Variants in F7 observed in about 807,000 individuals in gnomAD.
F7 encodes coagulation factor VII.
In F7, 38 loss-of-function variants were observed where a neutral mutation model predicts 47.5. The observed-to-expected ratio is 0.80, with a 90% CI of 0.62 to 1.05. The LOEUF is 1.05. Ranked by LOEUF, F7 falls within the 50% of genes least tolerant of loss-of-function variation. The pLI is 0.00. For missense variants in F7, 575 were observed against 605.4 expected, an observed-to-expected ratio of 0.95 and a Z score of 0.53; for synonymous variants, 244 against 258.5, an observed-to-expected ratio of 0.94 and a Z score of 0.54.
intron 2 of F7, among the ~76,000 whole-genome samples, chr13:113,111,254 G>A (rs1434984429): frequency 6.6e-6 from 1 of 152,170 alleles, no homozygotes; most frequent in Non-Finnish European, 1.5e-5. Flanking sequence ...TGCCACCAGC[G>A]GCACCTCCTC....
rs1484091044 is a variant in F7 at position 113,118,426 on chromosome 13, C to G, written c.753C>G (p.Leu251=). 6.3e-7 allele frequency: 1 copy of G among 1,597,644 alleles called. No individual in the cohort carries two copies. The highest frequency in any genetic ancestry group is 1.3e-5 in the African/African-American group (1 of 74,732). ...TCTTCCTTCCAGGCGAGCACGACCT[C>G]AGCGAGCACGACGGGGATGAGCAGA... ...NLIAVLGEHD[L]SEHDGDEQSR... The change falls in exon 8 of 8, where the codon CTC becomes CTG. Residue 251 remains leucine (L), a synonymous_variant. Transcript: ENST00000346342.
chr13:113,106,056 T>C (rs2142196454), intron 1 of F7, 151 bp downstream of exon 1: 1 of 637,812 alleles, frequency 1.6e-6, no homozygotes, highest in South Asian at 2.2e-5. Flanking sequence ...TTTCTTTCCT[T>C]CTAGAAACCA....
At chr13:113,115,068 G>C (rs920916456) in intron 4 of F7, among the ~76,000 whole-genome samples, 2 of 152,356 alleles carry the variant, frequency 1.3e-5, no homozygotes, top group South Asian at 4.1e-4. Context: ...AGCAGCCCTG[G>C]TGTGCATCCT....
Position 113,110,870 on chromosome 13 carries a change from G to A in F7, c.225+20G>A, listed in dbSNP as rs1348608735. On this transcript the variant is annotated intron_variant, in intron 2 of 7. Coordinates refer to ENST00000346342, the MANE Select transcript of F7 (RefSeq NM_019616.4). ...AGGACGGTGAGCCCAGCCTCGGGGCGCCCCGCGCCGCGGACACTGCAGGCG... is the reference window on the plus strand; with the variant it reads ...AGGACGGTGAGCCCAGCCTCGGGGCACCCCGCGCCGCGGACACTGCAGGCG... 5 of 1,550,722 alleles carry A rather than the reference G, an allele frequency of 3.2e-6. No homozygotes were observed. The highest frequency in any genetic ancestry group is 4.4e-6 in the Non-Finnish European group (5 of 1,148,094).
At chr13:113,118,343 C>T in intron 7 of F7, 70 bp from the exon 8 acceptor site, 2 of 1,494,724 alleles carry the variant, frequency 1.3e-6, no homozygotes, top group Non-Finnish European at 1.8e-6. Context: ...TGGCCACAGC[C>T]CATCCCCATG....
At position 113,118,829 on chromosome 13, in the gene F7, C is replaced by T; in HGVS notation, c.1156C>T (p.His386Tyr). Reference protein sequence around the residue: ...DSCKGDSGGPHATHYRGTWYL... With the variant: ...DSCKGDSGGPYATHYRGTWYL... ...CTGCAAGGGGGACAGTGGAGGCCCACATGCCACCCACTACCGGGGCACGTG... is the reference window on the plus strand; with the variant it reads ...CTGCAAGGGGGACAGTGGAGGCCCATATGCCACCCACTACCGGGGCACGTG... The change falls in exon 8 of 8, where the codon CAT (histidine) becomes TAT (tyrosine). Residue 386 changes from histidine (H) to tyrosine (Y), a missense_variant. His to Tyr is a moderately conservative substitution (Grantham distance 83, BLOSUM62 2). Coordinates refer to ENST00000346342, the MANE Select transcript of F7 (RefSeq NM_019616.4). The T allele has an allele frequency of 1.9e-6, 3 of 1,612,814 alleles. No homozygotes were observed. The highest frequency in any genetic ancestry group is 2.5e-6 in the Non-Finnish European group (3 of 1,179,966).
intron 1 of F7, chr13:113,110,246 G>A (rs1207846096): frequency 5.8e-6 from 1 of 172,128 alleles, no homozygotes. Flanking sequence ...CTGGCCGCCG[G>A]AGACGCGGTG....
At position 113,118,866 on chromosome 13, in the gene F7, G is replaced by C. The variant is rs773753671; in HGVS notation, c.1193G>C (p.Gly398Ala). Reference protein sequence around the residue: ...THYRGTWYLTGIVSWGQGCAT... With the variant: ...THYRGTWYLTAIVSWGQGCAT... ...TACCGGGGCACGTGGTACCTGACGG[G>C]CATCGTCAGCTGGGGCCAGGGCTGC... Residue 398 changes from glycine to alanine, a missense_variant, in exon 8 of 8, where the codon GGC (glycine) becomes GCC (alanine). By Grantham distance (60) the Gly-to-Ala change is moderately conservative. Coordinates refer to ENST00000346342, the MANE Select transcript of F7 (RefSeq NM_019616.4). The C allele has an allele frequency of 4.3e-6, 7 of 1,612,596 alleles. No individual in the cohort carries two copies. Among genetic ancestry groups the C allele is most frequent in the Non-Finnish European group, 5.9e-6 (7 of 1,179,932 alleles).
rs1342475185 is a variant in F7, at chr13:113,119,905, C to T, written c.*897C>T. 6.6e-6 allele frequency: 1 copy of T among 152,280 alleles called. No individual in the cohort carries two copies. Among genetic ancestry groups the T allele is most frequent in the African/African-American group, 2.4e-5 (1 of 41,448 alleles). The allele number at this position is 152,280 out of a possible 1,614,324, so 9.4% of individuals were successfully genotyped here. On this transcript the variant is annotated 3_prime_UTR_variant, in exon 8 of 8. Transcript: ENST00000346342. ...CACCATGCATGGTGGCGAATGCCCC[C>T]AAACTCTCCCCCAAATGTATTTCTC...
Position 113,110,686 on chromosome 13 carries a change from C to A in F7, c.65-4C>A, listed in dbSNP as rs761692179. 5.2e-6 allele frequency: 8 copies of A among 1,548,184 alleles called. No homozygotes were observed. The highest frequency in any genetic ancestry group is 1.2e-5 in the South Asian group (1 of 83,976). Reference sequence around the variant, plus strand: ...GGGCGCTTCACGGAACTCGCATTTCCCAGTCTTCGTAACCCAGGAGGAAGC... The same window carrying A: ...GGGCGCTTCACGGAACTCGCATTTCACAGTCTTCGTAACCCAGGAGGAAGC... On this transcript the variant is annotated splice_polypyrimidine_tract_variant and splice_region_variant and intron_variant, in intron 1 of 7. Transcript: ENST00000346342.
chr13:113,114,237 C>A (rs2036154348), intron 4 of F7, among the ~76,000 whole-genome samples: 1 of 151,824 alleles, frequency 6.6e-6, no homozygotes, highest in Non-Finnish European at 1.5e-5. Flanking sequence ...AGCTGAGAGT[C>A]CCTGTGTCCC....
chr13:113,110,749 T>G lies in F7; in HGVS notation c.124T>G (p.Phe42Val). The change falls in exon 2 of 8, where the codon TTC (phenylalanine) becomes GTC (valine). Residue 42 changes from phenylalanine (F) to valine (V), a missense_variant. Coordinates refer to ENST00000346342, the MANE Select transcript of F7 (RefSeq NM_019616.4). ...GCACCGGCGCCGGCGCGCCAACGCGTTCCTGGAGGAGCTGCGGCCGGGCTC... is the reference window on the plus strand; with the variant it reads ...GCACCGGCGCCGGCGCGCCAACGCGGTCCTGGAGGAGCTGCGGCCGGGCTC... ...VLHRRRRANA[F>V]LEELRPGSLE... is the part of the protein sequence containing the mutation. The G allele has an allele frequency of 6.5e-7, 1 of 1,549,134 alleles. No individual in the cohort carries two copies. The highest frequency in any genetic ancestry group is 8.7e-7 in the Non-Finnish European group (1 of 1,146,654).
At chr13:113,108,704 G>A (rs1213419772) in intron 1 of F7, among the ~76,000 whole-genome samples, 1 of 130,248 alleles carries the variant, frequency 7.7e-6, no homozygotes, top group Non-Finnish European at 1.6e-5. Flanking sequence ...TGTCCCGGGG[G>A]TGTGGGTGTC....
intron 1 of F7, chr13:113,110,475 A>G (rs1336322281): frequency 1.7e-6 from 1 of 572,842 alleles, no homozygotes; most frequent in East Asian, 3.4e-5. Context: ...CAGCCCCCGG[A>G]AGCAGAGAGG....
intron 4 of F7, among the ~76,000 whole-genome samples, chr13:113,114,329 T>G (rs899608715): frequency 4.0e-4 from 58 of 144,732 alleles, no homozygotes; most frequent in Non-Finnish European, 8.0e-4. Context: ...GTTTGAGGGG[T>G]TTGTTTTTTT....
intron 1 of F7, chr13:113,106,769 G>C: frequency 1.4e-6 from 2 of 1,430,970 alleles, no homozygotes; most frequent in Non-Finnish European, 1.9e-6. Flanking sequence ...GGCTGTGAGG[G>C]ACAGTGCCTG....
chr13:113,116,805 GAA>G lies in F7; in HGVS notation c.547_548del (p.Asn183CysfsTer75). 6.2e-7 allele frequency: 1 copy of G among 1,613,880 alleles called. No individual in the cohort carries two copies. Among genetic ancestry groups the G allele is most frequent in the Non-Finnish European group, 8.5e-7 (1 of 1,179,994 alleles). Reference sequence around the variant, plus strand: ...GGAAAAATACCTATTCTAGAAAAAAGAAATGCCAGCAAACCCCAAGGCCGAAT... The same window carrying G: ...GGAAAAATACCTATTCTAGAAAAAAGATGCCAGCAAACCCCAAGGCCGAAT... On this transcript the variant is annotated frameshift_variant, in exon 6 of 8. Coordinates refer to ENST00000346342, the MANE Select transcript of F7 (RefSeq NM_019616.4). LOFTEE classifies it high-confidence loss of function.
chr13:113,108,610 G>C (rs1203644754), intron 1 of F7, among the ~76,000 whole-genome samples: 42 of 92,236 alleles, frequency 4.6e-4, no homozygotes, highest in African/African-American at 1.9e-3. Context: ...AGGCGAGGGT[G>C]TCCCAGGAGT....
At position 113,119,114 on chromosome 13, in the gene F7, G is replaced by A. The variant is rs1306323680; in HGVS notation, c.*106G>A. On this transcript the variant is annotated 3_prime_UTR_variant, in exon 8 of 8. Coordinates refer to ENST00000346342, the MANE Select transcript of F7 (RefSeq NM_019616.4). ...GTTAATGGGGTAGAGGAGGGCATGG[G>A]AGGGAGGGAGAGGTGGGGAGGGAGA... 1 of 669,794 alleles carries A rather than the reference G, an allele frequency of 1.5e-6. No homozygotes were observed. Among genetic ancestry groups the A allele is most frequent in the Non-Finnish European group, 2.5e-6 (1 of 401,812 alleles). 41.5% of individuals were successfully genotyped at this position (669,794 alleles called of 1,614,324 possible). A position where few individuals can be genotyped will look rare whatever the true frequency, so the allele number is the denominator to read the frequency against.
Sources: allele counts gnomAD v4.1 joint callset (sites outside exome capture counted in the v4.1 genomes callset), GRCh38; gene constraint gnomAD v4.1.1; transcripts MANE v1.5; gene names NCBI Gene and HGNC (gene_info 2026-07-23, HGNC 2026-07-21).